TTC12: variants seen among roughly 807,000 people sequenced by gnomAD.
TTC12 encodes the protein tetratricopeptide repeat domain 12.
TTC12 carries 70 observed loss-of-function variants against 90.1 expected under a neutral mutation model. That is an observed-to-expected ratio of 0.78 (90% CI 0.64 to 0.95). The LOEUF is 0.95. Ranked by LOEUF, TTC12 falls within the 40% of genes least tolerant of loss-of-function variation. TTC12 has a pLI of 0.00. For synonymous variants in TTC12, 296 were observed against 311.5 expected, an observed-to-expected ratio of 0.95 and a Z score of 0.53; for missense variants, 819 against 846.1, an observed-to-expected ratio of 0.97 and a Z score of 0.40.
chr11:113,318,680 A>C (rs1270006940), intron 2 of TTC12, among the ~76,000 whole-genome samples: 1 of 152,224 alleles, frequency 6.6e-6, no homozygotes, highest in Admixed American at 6.5e-5. Flanking sequence ...TTTAGGCAAA[A>C]TGTGAAGAGT....
intron 16 of TTC12, among the ~76,000 whole-genome samples, chr11:113,358,722 C>T (rs1555153439): frequency 1.3e-5 from 2 of 152,190 alleles, no homozygotes; most frequent in Non-Finnish European, 2.9e-5. Flanking sequence ...CCTACCACTT[C>T]TCTAAGCAGC....
At chr11:113,329,659 C>A in intron 6 of TTC12, 1 of 563,114 alleles carries the variant, frequency 1.8e-6, no homozygotes, top group Non-Finnish European at 3.4e-6. Flanking sequence ...AATGGCTGTC[C>A]ACTGTTGCTA....
In TTC12 at chr11:113,352,141, T is replaced by C. The variant is rs1949332465; in HGVS notation, c.1380T>C (p.Ala460=). 2 of 1,614,264 alleles carry C rather than the reference T, an allele frequency of 1.2e-6. No individual in the cohort carries two copies. Among genetic ancestry groups the C allele is most frequent in the South Asian group, 1.1e-5 (1 of 91,088 alleles). The part of the protein sequence containing the change: ...QCIAIMGNLS[A]EPTTRRHMAA... ...TTGCCATCATGGGAAACCTCAGTGC[T>C]GAGCCCACTACCCGAAGACACATGG... is the stretch of plus-strand genomic sequence containing the variant. The change falls in exon 16 of 22, where the codon GCT becomes GCC. Residue 460 remains alanine, a synonymous_variant. Coordinates refer to ENST00000529221, the MANE Select transcript of TTC12 (RefSeq NM_017868.4).
intron 15 of TTC12, 123 bp from the exon 16 acceptor site, chr11:113,351,945 CCT>C: frequency 8.9e-7 from 1 of 1,129,358 alleles, no homozygotes; most frequent in Non-Finnish European, 1.2e-6. Flanking sequence ...CAGGGATGCC[CCT>C]GTGTGACATG....
At chr11:113,342,382 A>G (rs546230689) in intron 12 of TTC12, among the ~76,000 whole-genome samples, 1 of 152,220 alleles carries the variant, frequency 6.6e-6, no homozygotes, top group Non-Finnish European at 1.5e-5. Flanking sequence ...TTACTGTGCT[A>G]ACTCTTAGGC....
At chr11:113,358,435 GGTGTGGGCCCCCAGAGCCC>G (rs1949739719) in intron 16 of TTC12, among the ~76,000 whole-genome samples, 1 of 152,168 alleles carries the variant, frequency 6.6e-6, no homozygotes, top group Admixed American at 6.5e-5. Context: ...CAGAAGCTAT[GGTGTGGGCCCCCAGAGCCC>G]CCAAGACTGC....
intron 14 of TTC12, among the ~76,000 whole-genome samples, chr11:113,350,401 T>A (rs1949204731): frequency 6.6e-6 from 1 of 152,166 alleles, no homozygotes; most frequent in South Asian, 2.1e-4. Context: ...AGCAGCATAC[T>A]TAAAGCAGTG....
intron 2 of TTC12, among the ~76,000 whole-genome samples, chr11:113,317,684 T>G (rs1443917394): frequency 6.6e-6 from 1 of 152,052 alleles, no homozygotes; most frequent in African/African-American, 2.4e-5. Flanking sequence ...TGTCCTTACC[T>G]CTCTCATATC....
In TTC12 at chr11:113,362,525, A is replaced by G. The variant is rs1555155703; in HGVS notation, c.1716+23A>G. The stretch of plus-strand genomic sequence containing the variant: ...AAGGTAAGATCACTTTATTGGTTAC[A>G]ACCCCTGAAATGTACAGAAGTCTCC... On this transcript the variant is annotated intron_variant, in intron 19 of 21. Transcript: ENST00000529221. The G allele has an allele frequency of 2.7e-6, 4 of 1,484,710 alleles. No individual in the cohort carries two copies. The African/African-American group carries it at 4.2e-5, about 15-fold the overall frequency. 92.0% of individuals were successfully genotyped at this position (1,484,710 alleles called of 1,614,324 possible). A position where few individuals can be genotyped will look rare whatever the true frequency, so the allele number is the denominator to read the frequency against.
chr11:113,344,207 G>C, intron 12 of TTC12, 65 bp from the exon 13 acceptor site: 2 of 1,520,792 alleles, frequency 1.3e-6, no homozygotes, highest in Admixed American at 3.6e-5. Flanking sequence ...TAGGATAGAG[G>C]GTGACAGAGC....
At chr11:113,361,832 T>C (rs1949946780) in intron 18 of TTC12, among the ~76,000 whole-genome samples, 1 of 151,002 alleles carries the variant, frequency 6.6e-6, no homozygotes, top group African/African-American at 2.4e-5. Context: ...AACATAAAAA[T>C]TGATCCAAAA....
chr11:113,360,808 C>T (rs1452470702), intron 18 of TTC12, among the ~76,000 whole-genome samples: 4 of 152,126 alleles, frequency 2.6e-5, no homozygotes, highest in Non-Finnish European at 5.9e-5. Flanking sequence ...TCCAACATAC[C>T]CTGTTTGGGG....
chr11:113,319,269 A>G (rs550210593), intron 2 of TTC12, among the ~76,000 whole-genome samples: 3 of 152,302 alleles, frequency 2.0e-5, no homozygotes, highest in African/African-American at 7.2e-5. Flanking sequence ...TAGAATGTCA[A>G]GGTCATCAAA....
In TTC12 at chr11:113,359,425, G is replaced by C; in HGVS notation, c.1509G>C (p.Met503Ile). ...TTATCTACACACTCCTGGGACTCAT[G>C]ATGAACCTGTGTCTTCAGGCTCCCT... ...REVIYTLLGLMMNLCLQAPFV... is the reference protein window; with the variant it reads ...REVIYTLLGLIMNLCLQAPFV... Residue 503 changes from methionine (M) to isoleucine (I), a missense_variant, in exon 17 of 22, where the codon ATG becomes ATC. By Grantham distance (10) the Met-to-Ile change is conservative (BLOSUM62 1). Coordinates refer to ENST00000529221, the MANE Select transcript of TTC12 (RefSeq NM_017868.4). The C allele has an allele frequency of 6.2e-7, 1 of 1,613,616 alleles. No homozygotes were observed. Among genetic ancestry groups the C allele is most frequent in the East Asian group, 2.2e-5 (1 of 44,848 alleles).
At position 113,359,925 on chromosome 11, in the gene TTC12, T is replaced by TC; in HGVS notation, c.1546-11dup. On this transcript the variant is annotated splice_polypyrimidine_tract_variant and intron_variant, in intron 17 of 21. Transcript: ENST00000529221. The stretch of plus-strand genomic sequence containing the variant: ...AAAATTAAAATCTCCTGCTGGCCTC[T>TC]CCCCATTGTTGTAGGTTTGGGCTGT... The TC allele has an allele frequency of 6.3e-7, 1 of 1,583,578 alleles. No individual in the cohort carries two copies. The highest frequency in any genetic ancestry group is 8.6e-7 in the Non-Finnish European group (1 of 1,164,110).
chr11:113,348,389 T>C (rs957556358), intron 13 of TTC12, among the ~76,000 whole-genome samples: 4 of 152,190 alleles, frequency 2.6e-5, no homozygotes, highest in Non-Finnish European at 5.9e-5. Flanking sequence ...TCCTCTACTG[T>C]CTCCAATCAT....
chr11:113,369,928 G>C (rs1565638976), downstream of TTC12, among the ~76,000 whole-genome samples: 1 of 152,162 alleles, frequency 6.6e-6, no homozygotes, highest in Non-Finnish European at 1.5e-5. Context: ...CTCACTGAAG[G>C]CAAGCATGTA....
downstream of TTC12, chr11:113,368,828 G>A (rs752396937): frequency 9.1e-6 from 3 of 328,872 alleles, no homozygotes; most frequent in Non-Finnish European, 1.7e-5. Context: ...ACTAATTGCA[G>A]TTTTTGCCAT....
chr11:113,363,676 C>A (rs1204704980), intron 19 of TTC12, 152 bp from the exon 20 acceptor site: 12 of 604,378 alleles, frequency 2.0e-5, no homozygotes, highest in Non-Finnish European at 2.9e-5. Context: ...AGGGACCATG[C>A]CTGCCCACCA....
Sources: allele counts gnomAD v4.1 joint callset (sites outside exome capture counted in the v4.1 genomes callset), GRCh38; gene constraint gnomAD v4.1.1; transcripts MANE v1.5; gene names NCBI Gene and HGNC (gene_info 2026-07-23, HGNC 2026-07-21).